The following FRMD1 variants were observed in gnomAD, a reference collection of about 807,000 sequenced individuals.
The protein encoded by FRMD1 is FERM domain-containing protein 1.
FRMD1 carries 51 observed loss-of-function variants against 54.9 expected under a neutral mutation model. That is an observed-to-expected ratio of 0.93 (90% CI 0.74 to 1.17). FRMD1 has a LOEUF of 1.17. FRMD1 is among the 50% of genes most tolerant of loss of function. The pLI is 0.00. For missense variants in FRMD1, 729 were observed against 743.0 expected (o/e 0.98, Z 0.22); for synonymous variants, 324 against 306.4 (o/e 1.06, Z -0.60).
At chr6:168,087,034 G>A (rs1330365668) in intron 1 of FRMD1, among the ~76,000 whole-genome samples, 2 of 151,924 alleles carry the variant, frequency 1.3e-5, no homozygotes, top group East Asian at 3.9e-4. Flanking sequence ...ACTCCCTTGG[G>A]CCTGGTTTTC....
At chr6:168,060,282 C>T (rs1799652082) in intron 9 of FRMD1, among the ~76,000 whole-genome samples, 1 of 136,196 alleles carries the variant, frequency 7.3e-6, no homozygotes, top group Non-Finnish European at 1.5e-5. Context: ...GGGAGGGGCT[C>T]CCTGGAAGGG....
upstream of FRMD1, among the ~76,000 whole-genome samples, chr6:168,086,516 C>A (rs1475724119): frequency 6.7e-6 from 1 of 148,398 alleles, no homozygotes; most frequent in Non-Finnish European, 1.5e-5. Flanking sequence ...AGCGTGGACA[C>A]TGCCCATGTT....
chr6:168,077,000 CA>C (rs1800623347), intron 1 of FRMD1, among the ~76,000 whole-genome samples: 1 of 151,940 alleles, frequency 6.6e-6, no homozygotes, highest in Non-Finnish European at 1.5e-5. Context: ...CACACCCCAA[CA>C]GAGGGTTCCT....
Position 168,060,837 on chromosome 6 carries a change from G to A in FRMD1, c.1266C>T (p.His422=), listed in dbSNP as rs566577100. ...EMSVDVPLEV[H]GLHEKEPSSS... is the part of the protein sequence containing the mutation. ...AGGACGGCTCCTTCTCATGGAGCCCGTGGACCTCCAAGGGCACGTCCACAG... is the reference window on the plus strand; with the variant it reads ...AGGACGGCTCCTTCTCATGGAGCCCATGGACCTCCAAGGGCACGTCCACAG... Residue 422 remains histidine, a synonymous_variant, in exon 9 of 11, where the codon CAC becomes CAT. Coordinates refer to ENST00000283309, the MANE Select transcript of FRMD1 (RefSeq NM_024919.6). 2.7e-5 allele frequency: 44 copies of A among 1,613,602 alleles called. No individual in the cohort carries two copies. The highest frequency in any genetic ancestry group is 3.3e-5 in the Non-Finnish European group (39 of 1,179,986).
chr6:168,076,632 G>C (rs1800607527), intron 1 of FRMD1, among the ~76,000 whole-genome samples: 2 of 152,166 alleles, frequency 1.3e-5, no homozygotes, highest in African/African-American at 4.8e-5. Context: ...GTTTCCTGAG[G>C]CCTCCCCAGC....
intron 4 of FRMD1, chr6:168,066,316 C>T: frequency 1.6e-6 from 1 of 618,618 alleles, no homozygotes; most frequent in Non-Finnish European, 2.0e-6. Flanking sequence ...TTGACCAACA[C>T]AGAGAAACCC....
chr6:168,089,152 C>T (rs527502480), intron 1 of FRMD1, among the ~76,000 whole-genome samples: 3 of 152,350 alleles, frequency 2.0e-5, no homozygotes, highest in African/African-American at 4.8e-5. Flanking sequence ...GCCCTGACAC[C>T]GGGCACAGGT....
Position 168,060,769 on chromosome 6 carries a change from T to C in FRMD1, c.1334A>G (p.Asp445Gly), listed in dbSNP as rs764609860. The change falls in exon 9 of 11, where the codon GAC becomes GGC. Residue 445 changes from aspartate (D) to glycine (G), a missense_variant. By Grantham distance (94) the Asp-to-Gly change is moderately conservative (BLOSUM62 -1). Coordinates refer to ENST00000283309, the MANE Select transcript of FRMD1 (RefSeq NM_024919.6). ...ATCTCCCTCGGGCCCACCTTGGCTG[T>C]CACCACGTGTGCTGGGGTGGCTGCG... ...TSRSHPSTRG[D>G]SQATRQEPCT... 5 of 1,607,822 alleles carry C rather than the reference T, an allele frequency of 3.1e-6. No individual in the cohort carries two copies. Among genetic ancestry groups the C allele is most frequent in the Middle Eastern group, 1.7e-4 (1 of 6,048 alleles).
intron 2 of FRMD1, among the ~76,000 whole-genome samples, chr6:168,072,784 C>T (rs1024234728): frequency 3.4e-4 from 51 of 151,670 alleles, no homozygotes; most frequent in Admixed American, 3.3e-4. Flanking sequence ...GACGCTTGAA[C>T]TTTCTTCCCT....
chr6:168,064,994 G>A lies in FRMD1; in HGVS notation c.525C>T (p.Cys175=), dbSNP rs376956774. ...GGAAGTAGGCTTCCTCCCGGTGAGC[G>A]CACTGTGACCTCAGCACGCGCTCCT... The part of the protein sequence containing the change: ...HLKERVLRSQ[C]AHREEAYFLL... Residue 175 remains cysteine (C), a synonymous_variant, in exon 5 of 11, where the codon TGC becomes TGT. Transcript: ENST00000283309. The A allele has an allele frequency of 1.6e-4, 265 of 1,611,744 alleles. No homozygotes were observed. Among genetic ancestry groups the A allele is most frequent in the Non-Finnish European group, 2.2e-4 (258 of 1,179,868 alleles).
chr6:168,082,245 G>A (rs759536951), upstream of FRMD1, among the ~76,000 whole-genome samples: 11 of 152,214 alleles, frequency 7.2e-5, no homozygotes, highest in African/African-American at 9.7e-5. Flanking sequence ...TTACCGACTC[G>A]GCTGCGATGG....
intron 10 of FRMD1, among the ~76,000 whole-genome samples, chr6:168,058,108 A>G (rs1799508430): frequency 6.6e-6 from 1 of 152,184 alleles, no homozygotes; most frequent in Admixed American, 6.5e-5. Context: ...CGCGCCTGCC[A>G]GGACTTGCAG....
intron 1 of FRMD1, among the ~76,000 whole-genome samples, chr6:168,092,819 C>T (rs6926055): frequency 0.91 from 139,117 of 152,262 alleles, 63,647 homozygotes; most frequent in African/African-American, 0.94. Context: ...GCAGCCACCC[C>T]GTGAGCAGGC....
intron 6 of FRMD1, 124 bp from the exon 7 acceptor site, chr6:168,063,083 A>G (rs909200813): frequency 1.0e-5 from 8 of 765,426 alleles, no homozygotes; most frequent in Non-Finnish European, 1.9e-5. Context: ...TCTGGGGCCC[A>G]TTTACAGACA....
intron 2 of FRMD1, among the ~76,000 whole-genome samples, chr6:168,070,867 T>C (rs1800273047): frequency 6.6e-6 from 1 of 152,190 alleles, no homozygotes; most frequent in Non-Finnish European, 1.5e-5. Context: ...AAGGGGAGAT[T>C]CTGGCGTTGG....
intron 1 of FRMD1, among the ~76,000 whole-genome samples, chr6:168,090,922 T>C (rs1801005807): frequency 6.6e-6 from 1 of 152,080 alleles, no homozygotes; most frequent in African/African-American, 2.4e-5. Context: ...CTGGTTTCCA[T>C]TCGAGGCTTG....
chr6:168,065,891 T>G, intron 4 of FRMD1: 1 of 1,000,248 alleles, frequency 1.0e-6, no homozygotes, highest in Non-Finnish European at 1.2e-6. Context: ...TAAACCCTGT[T>G]CACGCACCCC....
intron 1 of FRMD1, among the ~76,000 whole-genome samples, chr6:168,092,656 A>T (rs1166380899): frequency 6.6e-6 from 1 of 152,112 alleles, no homozygotes; most frequent in Non-Finnish European, 1.5e-5. Flanking sequence ...CACACACCAA[A>T]TTGCCCAGTG....
chr6:168,084,531 A>C (rs2115029052), upstream of FRMD1, among the ~76,000 whole-genome samples: 1 of 152,102 alleles, frequency 6.6e-6, no homozygotes. Context: ...CAAGAAGAAA[A>C]CCCCAGAGAT....
Sources: allele counts gnomAD v4.1 joint callset (sites outside exome capture counted in the v4.1 genomes callset), GRCh38; gene constraint gnomAD v4.1.1; transcripts MANE v1.5; gene names NCBI Gene and HGNC (gene_info 2026-07-23, HGNC 2026-07-21).